Variants in ZCRB1 observed in about 807,000 individuals in gnomAD.
ZCRB1 encodes zinc finger CCHC-type and RNA-binding motif-containing protein 1.
ZCRB1 carries 21 observed loss-of-function variants against 29.9 expected under a neutral mutation model. The ratio of observed to expected loss-of-function variants is 0.70; its 90% CI spans 0.50 to 1.01. The LOEUF is 1.01. Among genes scored for constraint, ZCRB1 ranks in the 50% least tolerant of loss-of-function variants. The pLI is 0.00. For missense variants in ZCRB1, 204 were observed against 253.3 expected, an observed-to-expected ratio of 0.81 and a Z score of 1.32; for synonymous variants, 77 against 80.0, an observed-to-expected ratio of 0.96 and a Z score of 0.20.
intron 3 of ZCRB1, among the ~76,000 whole-genome samples, chr12:42,318,740 A>G (rs1436661233): frequency 6.6e-6 from 1 of 152,186 alleles, no homozygotes; most frequent in Admixed American, 6.5e-5. Context: ...AAGAGAGTGC[A>G]AGAGTGCGTG....
At chr12:42,315,747 C>A (rs948991796) in intron 5 of ZCRB1, among the ~76,000 whole-genome samples, 1 of 152,122 alleles carries the variant, frequency 6.6e-6, no homozygotes, top group Non-Finnish European at 1.5e-5. Flanking sequence ...ATATACTAAT[C>A]TGAATATAAC....
intron 3 of ZCRB1, among the ~76,000 whole-genome samples, chr12:42,320,569 T>C (rs1373480801): frequency 6.6e-6 from 1 of 152,016 alleles, no homozygotes; most frequent in Non-Finnish European, 1.5e-5. Flanking sequence ...ATGCCTCGCC[T>C]CCCAAGCAGC....
At chr12:42,322,481 T>A in intron 2 of ZCRB1, 35 bp from the exon 3 acceptor site, 1 of 1,452,704 alleles carries the variant, frequency 6.9e-7, no homozygotes, top group Non-Finnish European at 9.2e-7. Context: ...CAATTTATTT[T>A]AAAATCATAA....
At chr12:42,320,254 A>C (rs2068614965) in intron 3 of ZCRB1, among the ~76,000 whole-genome samples, 1 of 152,196 alleles carries the variant, frequency 6.6e-6, no homozygotes, top group Non-Finnish European at 1.5e-5. Context: ...ACGCAAAGTA[A>C]GCATATCACT....
chr12:42,318,487 T>C (rs2068605731), intron 3 of ZCRB1, among the ~76,000 whole-genome samples: 1 of 152,146 alleles, frequency 6.6e-6, no homozygotes. Flanking sequence ...TCTCCAGTTC[T>C]GTGGTTTTTA....
intron 1 of ZCRB1, among the ~76,000 whole-genome samples, chr12:42,325,019 G>T (rs144626315): frequency 2.0e-5 from 3 of 152,316 alleles, no homozygotes; most frequent in Non-Finnish European, 4.4e-5. Flanking sequence ...AACCTAGATG[G>T]TCTAGCCTAT....
chr12:42,317,860 T>C lies in ZCRB1; in HGVS notation c.152A>G (p.Lys51Arg). ...IMKDKDTRKS[K>R]GVAFILFLDK... ...CAAAAATAAAATAAATGCAACCCCT[T>C]TACTCTTCCTGGTATCTTTATCTTT... Residue 51 changes from lysine (K) to arginine (R), a missense_variant, in exon 4 of 8, where the codon AAA becomes AGA. Coordinates refer to ENST00000266529, the MANE Select transcript of ZCRB1 (RefSeq NM_033114.4). 6.2e-7 allele frequency: 1 copy of C among 1,613,890 alleles called. No individual in the cohort carries two copies. Among genetic ancestry groups the C allele is most frequent in the South Asian group, 1.1e-5 (1 of 91,076 alleles).
chr12:42,318,456 C>T (rs2068605575), intron 3 of ZCRB1, among the ~76,000 whole-genome samples: 1 of 152,014 alleles, frequency 6.6e-6, no homozygotes, highest in Admixed American at 6.6e-5. Flanking sequence ...TAATGAGACC[C>T]CGATCTTTAG....
intron 2 of ZCRB1, chr12:42,323,637 C>CT (rs1225846952): frequency 0.016 from 2,391 of 152,544 alleles, 48 homozygotes; most frequent in African/African-American, 0.045. Context: ...ATTTTTTTTT[C>CT]TTTTTTTTTT....
chr12:42,316,423 C>G (rs950566447), intron 5 of ZCRB1, among the ~76,000 whole-genome samples: 1 of 152,106 alleles, frequency 6.6e-6, no homozygotes, highest in African/African-American at 2.4e-5. Context: ...TTTTTATGGT[C>G]ATTTTACAAA....
Position 42,313,193 on chromosome 12 carries a change from G to C in ZCRB1, c.528C>G (p.Ala176=), listed in dbSNP as rs200056932. The change falls in exon 8 of 8, where the codon GCC becomes GCG. Residue 176 remains alanine (A), a synonymous_variant. Coordinates refer to ENST00000266529, the MANE Select transcript of ZCRB1 (RefSeq NM_033114.4). ...ATTTTTTTTGTTCTTCTTCAATTTT[G>C]GCTTGCTGTGATTCAAAAAACAAAA... ...SLSQAIAFQQ[A]KIEEEQKKWK... is the part of the protein sequence containing the mutation. 6.2e-7 allele frequency: 1 copy of C among 1,604,348 alleles called. No homozygotes were observed. The highest frequency in any genetic ancestry group is 8.5e-7 in the Non-Finnish European group (1 of 1,176,682).
chr12:42,316,789 A>AT (rs2068596751), intron 5 of ZCRB1, among the ~76,000 whole-genome samples: 2 of 152,220 alleles, frequency 1.3e-5, no homozygotes, highest in African/African-American at 4.8e-5. Flanking sequence ...AATCAGTCTA[A>AT]CACTTTTAAA....
In ZCRB1 at chr12:42,324,323, T is replaced by C. The variant is rs552315531; in HGVS notation, c.-2-219A>G. ...ACTACCATGCCTGGCTAATTTTGTA[T>C]TTTTAGTAGAGACAGTGTTTCACCA... On this transcript the variant is annotated intron_variant, in intron 1 of 7. Coordinates refer to ENST00000266529, the MANE Select transcript of ZCRB1 (RefSeq NM_033114.4). 5.3e-5 allele frequency among the ~76,000 whole-genome samples: 8 copies of C among 152,274 alleles called. No individual in the cohort carries two copies. In the East Asian group the frequency reaches 1.5e-3, roughly 29 times the overall value.
At chr12:42,313,412 C>T (rs887391373) in intron 7 of ZCRB1, among the ~76,000 whole-genome samples, 3 of 152,094 alleles carry the variant, frequency 2.0e-5, no homozygotes, top group Non-Finnish European at 4.4e-5. Context: ...AAAATCTTTT[C>T]TGTTGGGCTA....
chr12:42,322,504 T>G, intron 2 of ZCRB1, 58 bp from the exon 3 acceptor site: 1 of 1,413,522 alleles, frequency 7.1e-7, no homozygotes, highest in Non-Finnish European at 9.5e-7. Context: ...CATCAAATTT[T>G]TAGGTTGCAG....
Position 42,312,959 on chromosome 12 carries a change from T to C in ZCRB1, c.*108A>G, listed in dbSNP as rs1288065338. On this transcript the variant is annotated 3_prime_UTR_variant, in exon 8 of 8. Coordinates refer to ENST00000266529, the MANE Select transcript of ZCRB1 (RefSeq NM_033114.4). ...AATATCTTTTTTCTTGGGATGACAA[T>C]AATAGTATTAACATGATAGTATTAA... The C allele has an allele frequency of 9.1e-7, 1 of 1,097,492 alleles. No homozygotes were observed. The highest frequency in any genetic ancestry group is 1.2e-6 in the Non-Finnish European group (1 of 838,798). 68.0% of individuals were successfully genotyped at this position (1,097,492 alleles called of 1,614,324 possible). A position where few individuals can be genotyped will look rare whatever the true frequency, so the allele number is the denominator to read the frequency against.
chr12:42,317,477 T>C (rs770201696), intron 4 of ZCRB1, 30 bp from the exon 5 acceptor site: 27 of 1,445,578 alleles, frequency 1.9e-5, no homozygotes, highest in Non-Finnish European at 1.4e-5. Flanking sequence ...AAATGTAGAA[T>C]GTATTTCACT....
intron 3 of ZCRB1, among the ~76,000 whole-genome samples, chr12:42,318,344 C>T (rs943633143): frequency 4.6e-5 from 7 of 152,138 alleles, no homozygotes; most frequent in African/African-American, 1.7e-4. Flanking sequence ...AAAAAACCCT[C>T]CAGAGCTGGT....
At chr12:42,313,282 C>A (rs2068578328) in intron 7 of ZCRB1, 84 bp from the exon 8 acceptor site, 1 of 1,413,652 alleles carries the variant, frequency 7.1e-7, no homozygotes, top group African/African-American at 1.4e-5. Flanking sequence ...CAAAAACATA[C>A]CACAAATGCC....
Sources: gnomAD v4.1 joint callset for allele counts (sites outside exome capture counted in the v4.1 genomes callset) on GRCh38, gnomAD v4.1.1 for gene constraint, MANE v1.5 for transcripts, NCBI Gene and HGNC (gene_info 2026-07-23, HGNC 2026-07-21) for gene names.